RHPN2: variants seen among roughly 807,000 people sequenced by gnomAD.
The protein encoded by RHPN2 is rhophilin-2.
A neutral mutation model predicts 79.0 loss-of-function variants in RHPN2; 40 were observed. That is an observed-to-expected ratio of 0.51 (90% CI 0.39 to 0.66). The LOEUF (loss-of-function observed/expected upper bound fraction) is 0.66. RHPN2 is among the 30% of genes least tolerant of loss of function. The pLI is 0.00. For synonymous variants in RHPN2, 285 were observed against 363.5 expected (o/e 0.78, Z 2.46); for missense variants, 686 against 883.5 (o/e 0.78, Z 2.83).
intron 2 of RHPN2, among the ~76,000 whole-genome samples, chr19:33,027,603 T>G (rs1433794886): frequency 2.6e-5 from 4 of 152,096 alleles, no homozygotes; most frequent in Non-Finnish European, 1.5e-5. Flanking sequence ...GCTTCCCAAT[T>G]CATTCTGTAA....
intron 2 of RHPN2, among the ~76,000 whole-genome samples, chr19:33,031,490 C>T (rs1293285240): frequency 6.6e-6 from 1 of 152,050 alleles, no homozygotes; most frequent in African/African-American, 2.4e-5. Flanking sequence ...AGCAATCCGC[C>T]TGCCTCAGGC....
chr19:33,060,532 T>C (rs1166092939), intron 1 of RHPN2, among the ~76,000 whole-genome samples: 1 of 151,908 alleles, frequency 6.6e-6, no homozygotes, highest in Non-Finnish European at 1.5e-5. Context: ...GTTTCTTTGT[T>C]TGTTTGTTTG....
chr19:33,002,477 C>A (rs1971757662), intron 8 of RHPN2, 74 bp from the exon 9 acceptor site: 2 of 1,582,102 alleles, frequency 1.3e-6, no homozygotes, highest in Non-Finnish European at 1.7e-6. Context: ...AGAGAAAGAG[C>A]CCTTTCTTCT....
intron 1 of RHPN2, among the ~76,000 whole-genome samples, chr19:33,053,463 G>A (rs1039204931): frequency 7.7e-6 from 1 of 129,044 alleles, no homozygotes; most frequent in Non-Finnish European, 1.6e-5. Context: ...TCGCTCTCTT[G>A]CCCAGGCTGG....
chr19:32,989,156 C>A (rs980049518), intron 14 of RHPN2, among the ~76,000 whole-genome samples: 4 of 152,084 alleles, frequency 2.6e-5, no homozygotes, highest in African/African-American at 9.7e-5. Context: ...GTTGCCCAGG[C>A]TGGAGTGCAA....
Position 33,044,387 on chromosome 19 carries a change from C to T in RHPN2, c.70-23G>A, listed in dbSNP as rs367731392. ...GCCCTGAGGAAAAATAAGAGATGCC[C>T]CTTCAGAGGTCGGCCACTCTAAAAA... On this transcript the variant is annotated intron_variant, in intron 1 of 14. Coordinates refer to ENST00000254260, the MANE Select transcript of RHPN2 (RefSeq NM_033103.5). 3.4e-5 allele frequency: 52 copies of T among 1,517,794 alleles called. No individual in the cohort carries two copies. The African/African-American group carries it at 6.0e-4, about 18-fold the overall frequency. 94.0% of individuals were successfully genotyped at this position (1,517,794 alleles called of 1,614,324 possible).
intron 4 of RHPN2, among the ~76,000 whole-genome samples, chr19:33,017,210 C>T (rs1236087498): frequency 6.6e-6 from 1 of 152,024 alleles, no homozygotes; most frequent in East Asian, 1.9e-4. Context: ...GAAACCATGT[C>T]TCTACTAATA....
intron 8 of RHPN2, 46 bp from the exon 9 acceptor site, chr19:33,002,449 C>T: frequency 6.2e-7 from 1 of 1,609,552 alleles, no homozygotes; most frequent in East Asian, 2.2e-5. Flanking sequence ...GCACAAGGGC[C>T]CTCATGAACC....
intron 2 of RHPN2, among the ~76,000 whole-genome samples, chr19:33,038,973 T>A (rs1041020706): frequency 1.3e-5 from 2 of 152,158 alleles, no homozygotes; most frequent in Admixed American, 1.3e-4. Context: ...AGTTTTTTTT[T>A]TAAAGTAATA....
chr19:32,980,359 AC>A, intron 14 of RHPN2, 103 bp from the exon 15 acceptor site: 2 of 1,367,840 alleles, frequency 1.5e-6, no homozygotes, highest in Non-Finnish European at 2.1e-6. Flanking sequence ...TGTAATCCCA[AC>A]AGTTTGGGAG....
intron 2 of RHPN2, chr19:33,026,994 C>T (rs570012425): frequency 2.9e-5 from 10 of 339,384 alleles, no homozygotes; most frequent in Non-Finnish European, 5.3e-5. Context: ...TGGTGGCTTA[C>T]GTCTGTAATC....
chr19:32,997,007 C>T (rs1335343292), intron 10 of RHPN2, among the ~76,000 whole-genome samples: 1 of 152,182 alleles, frequency 6.6e-6, no homozygotes, highest in Non-Finnish European at 1.5e-5. Context: ...CTGAACCTCC[C>T]TCTTCTGACT....
chr19:33,028,313 C>T (rs931269261), intron 2 of RHPN2, among the ~76,000 whole-genome samples: 4 of 152,194 alleles, frequency 2.6e-5, no homozygotes, highest in East Asian at 3.9e-4. Context: ...CACACCACCA[C>T]GCTGGCTAAT....
rs138016269 is a variant in RHPN2, at chr19:33,056,880, C to A, written c.69+7904G>T. ...ATCCCAGCACTTTGGGAAGCCGAGG[C>A]GGGCAGATCACAAGGTCATGAGATT... On this transcript the variant is annotated intron_variant, in intron 1 of 14. Transcript: ENST00000254260. Among the ~76,000 whole-genome samples the A allele has an allele frequency of 2.5e-3, 368 of 149,268 alleles. 3 individuals carry two copies. The highest frequency in any genetic ancestry group is 8.6e-3 in the African/African-American group (346 of 40,450).
intron 2 of RHPN2, chr19:33,026,953 T>C (rs1183817243): frequency 5.7e-6 from 2 of 351,960 alleles, no homozygotes; most frequent in Non-Finnish European, 1.1e-5. Flanking sequence ...AGATACCCAC[T>C]TGAAAAGAAA....
intron 2 of RHPN2, among the ~76,000 whole-genome samples, chr19:33,041,311 G>A (rs1972098446): frequency 6.6e-6 from 1 of 152,156 alleles, no homozygotes; most frequent in Non-Finnish European, 1.5e-5. Context: ...ACCACCCATG[G>A]CCTGCAGAGA....
At chr19:32,999,434 G>A (rs1484485464) in intron 10 of RHPN2, 152 bp downstream of exon 10, 22 of 849,458 alleles carry the variant, frequency 2.6e-5, no homozygotes, top group South Asian at 7.8e-5. Flanking sequence ...GCTCAGGACC[G>A]CGCCTCATGA....
At chr19:33,029,597 T>C (rs1971995086) in intron 2 of RHPN2, among the ~76,000 whole-genome samples, 3 of 151,668 alleles carry the variant, frequency 2.0e-5, no homozygotes, top group African/African-American at 2.4e-5. Context: ...ATCTTTACAA[T>C]TGATTTTGAA....
intron 5 of RHPN2, among the ~76,000 whole-genome samples, chr19:33,012,339 G>C (rs996517591): frequency 3.6e-4 from 55 of 152,030 alleles, no homozygotes; most frequent in African/African-American, 1.3e-3. Flanking sequence ...ACCACGCCCA[G>C]CTAATTTTTG....
Sources: gnomAD v4.1 joint callset for allele counts (sites outside exome capture counted in the v4.1 genomes callset) on GRCh38, gnomAD v4.1.1 for gene constraint, MANE v1.5 for transcripts, NCBI Gene and HGNC (gene_info 2026-07-23, HGNC 2026-07-21) for gene names.